FBXL5: variants seen among roughly 807,000 people sequenced by gnomAD.
FBXL5 encodes the protein F-box and leucine rich repeat protein 5, also known as F-box/LRR-repeat protein 5.
FBXL5 carries 26 observed loss-of-function variants against 78.3 expected under a neutral mutation model. The observed-to-expected ratio is 0.33, with a 90% confidence interval of 0.24 to 0.46. The LOEUF (loss-of-function observed/expected upper bound fraction) is 0.46. Among genes scored for constraint, FBXL5 ranks in the 20% least tolerant of loss-of-function variants. The pLI, the probability that FBXL5 is intolerant of heterozygous loss-of-function variation, is 1.00. For missense variants in FBXL5, 710 were observed against 829.2 expected, an observed-to-expected ratio of 0.86 and a Z score of 1.77; for synonymous variants, 295 against 282.5, an observed-to-expected ratio of 1.04 and a Z score of -0.45.
chr4:15,641,420 T>A, intron 2 of FBXL5: 1 of 351,864 alleles, frequency 2.8e-6, no homozygotes, highest in East Asian at 7.7e-5. Context: ...GTGAAGACAA[T>A]GAGGATAAAG....
intron 10 of FBXL5, among the ~76,000 whole-genome samples, chr4:15,611,304 G>A (rs966980141): frequency 2.0e-5 from 3 of 150,650 alleles, no homozygotes; most frequent in Admixed American, 1.3e-4. Context: ...CCATTTTGCG[G>A]TATGTCATTA....
At chr4:15,676,362 G>A (rs1332654079) in intron 1 of FBXL5, among the ~76,000 whole-genome samples, 1 of 152,150 alleles carries the variant, frequency 6.6e-6, no homozygotes, top group Non-Finnish European at 1.5e-5. Context: ...AAGATTGTAT[G>A]AGGATGGAAA....
At chr4:15,636,723 T>A in intron 4 of FBXL5, 47 bp from the exon 5 acceptor site, 1 of 1,335,448 alleles carries the variant, frequency 7.5e-7, no homozygotes, top group Non-Finnish European at 1.0e-6. Context: ...AAAGAGCATA[T>A]GCAATAAGAA....
In FBXL5 at chr4:15,626,857, G is replaced by C; in HGVS notation, c.1124+16C>G. The C allele has an allele frequency of 7.7e-6, 12 of 1,548,520 alleles. No homozygotes were observed. Among genetic ancestry groups the C allele is most frequent in the Non-Finnish European group, 1.1e-5 (12 of 1,141,926 alleles). On this transcript the variant is annotated intron_variant, in intron 8 of 10. Transcript: ENST00000341285. The stretch of plus-strand genomic sequence containing the variant: ...AATAGTTTTTCATTATATTTAAATT[G>C]TTTAAAATAACTAACCTGTCAAATG...
intron 8 of FBXL5, among the ~76,000 whole-genome samples, chr4:15,626,513 T>C (rs933700336): frequency 6.6e-6 from 1 of 152,240 alleles, no homozygotes; most frequent in East Asian, 1.9e-4. Flanking sequence ...AGTTACACTA[T>C]ACTATTTCAG....
intron 4 of FBXL5, among the ~76,000 whole-genome samples, chr4:15,638,149 A>G (rs1714478258): frequency 6.6e-6 from 1 of 152,218 alleles, no homozygotes; most frequent in Non-Finnish European, 1.5e-5. Flanking sequence ...AAGCAGGATG[A>G]TATCGCAAAA....
Position 15,625,371 on chromosome 4 carries a change from T to G in FBXL5, c.1731A>C (p.Arg577Ser), listed in dbSNP as rs1171499512. Residue 577 changes from arginine (R) to serine (S), a missense_variant, in exon 9 of 11, where the codon AGA becomes AGC. Coordinates refer to ENST00000341285, the MANE Select transcript of FBXL5 (RefSeq NM_012161.4). ...SAMCRKAART[R>S]LPRGKDLIYF... Reference sequence around the variant, plus strand: ...AAATTAAGTCTTTTCCCCTAGGCAATCTAGTCCTTGCTGCTTTTCTACACA... The same window carrying G: ...AAATTAAGTCTTTTCCCCTAGGCAAGCTAGTCCTTGCTGCTTTTCTACACA... 2 of 1,614,074 alleles carry G rather than the reference T, an allele frequency of 1.2e-6. No homozygotes were observed. Among genetic ancestry groups the G allele is most frequent in the African/African-American group, 2.7e-5 (2 of 74,950 alleles).
intron 1 of FBXL5, among the ~76,000 whole-genome samples, chr4:15,680,132 G>T (rs1718163837): frequency 6.6e-6 from 1 of 151,652 alleles, no homozygotes; most frequent in South Asian, 2.1e-4. Context: ...AAAAAAACAT[G>T]AACAATGCAG....
At chr4:15,646,028 A>G (rs373093710) in intron 1 of FBXL5, among the ~76,000 whole-genome samples, 7 of 152,202 alleles carry the variant, frequency 4.6e-5, no homozygotes, top group African/African-American at 1.7e-4. Context: ...ACTGCAATAC[A>G]TAAGTAAATA....
chr4:15,630,474 G>A (rs1237119657), intron 6 of FBXL5, among the ~76,000 whole-genome samples, 192 bp downstream of exon 6: 1 of 151,982 alleles, frequency 6.6e-6, no homozygotes, highest in Admixed American at 6.6e-5. Context: ...ATAATCCTAT[G>A]CACTCTTTAA....
At chr4:15,650,470 A>C (rs1209216082) in intron 1 of FBXL5, among the ~76,000 whole-genome samples, 2 of 152,080 alleles carry the variant, frequency 1.3e-5, no homozygotes, top group Non-Finnish European at 2.9e-5. Context: ...CCTACTACTA[A>C]TAGGTCACAG....
In FBXL5 at chr4:15,638,661, A is replaced by G. The variant is rs1178893663; in HGVS notation, c.430T>C (p.Tyr144His). Residue 144 changes from tyrosine (Y) to histidine (H), a missense_variant, in exon 4 of 11, where the codon TAT becomes CAT. Physicochemically the swap from Tyr to His is moderately conservative, Grantham distance 83 (BLOSUM62 2). Transcript: ENST00000341285. ...FQPMLMEYFTYEELKDIKKKV... is the reference protein window; with the variant it reads ...FQPMLMEYFTHEELKDIKKKV... ...TTTTTAATATCCTTAAGCTCTTCATAGGTAAAATATTCCATTAACATGGGC... is the reference window on the plus strand; with the variant it reads ...TTTTTAATATCCTTAAGCTCTTCATGGGTAAAATATTCCATTAACATGGGC... 4 of 1,602,868 alleles carry G rather than the reference A, an allele frequency of 2.5e-6. No individual in the cohort carries two copies. Among genetic ancestry groups the G allele is most frequent in the Non-Finnish European group, 3.4e-6 (4 of 1,176,970 alleles).
At chr4:15,640,671 T>G in intron 3 of FBXL5, 117 bp downstream of exon 3, 1 of 485,498 alleles carries the variant, frequency 2.1e-6, no homozygotes, top group Non-Finnish European at 3.7e-6. Flanking sequence ...AAGAACTGCG[T>G]TCTTCTCTCC....
At chr4:15,617,936 G>A (rs1712080664) in intron 9 of FBXL5, among the ~76,000 whole-genome samples, 1 of 151,914 alleles carries the variant, frequency 6.6e-6, no homozygotes, top group African/African-American at 2.4e-5. Context: ...TAACAAACCT[G>A]CACATCTCAC....
At position 15,605,686 on chromosome 4, in the gene FBXL5, C is replaced by T. The variant is rs1721836993; in HGVS notation, c.*37G>A. The T allele has an allele frequency of 1.3e-6, 2 of 1,583,156 alleles. No individual in the cohort carries two copies. Among genetic ancestry groups the T allele is most frequent in the Non-Finnish European group, 1.7e-6 (2 of 1,153,354 alleles). On this transcript the variant is annotated 3_prime_UTR_variant, in exon 11 of 11. Transcript: ENST00000341285. ...TAAAGTGCATGAAAGAAAGCCTGCTCAGCTAAATGAAGTAGACAAAGATCA... is the reference window on the plus strand; with the variant it reads ...TAAAGTGCATGAAAGAAAGCCTGCTTAGCTAAATGAAGTAGACAAAGATCA...
chr4:15,650,056 T>C (rs1715801889), intron 1 of FBXL5, among the ~76,000 whole-genome samples: 1 of 152,148 alleles, frequency 6.6e-6, no homozygotes, highest in Non-Finnish European at 1.5e-5. Flanking sequence ...GGCAGTAATT[T>C]TGCCACCCCA....
chr4:15,622,416 T>A (rs546450930), intron 9 of FBXL5, among the ~76,000 whole-genome samples: 64 of 152,370 alleles, frequency 4.2e-4, no homozygotes, highest in African/African-American at 1.4e-3. Context: ...TTTTATTTTC[T>A]ATTTCCTCAG....
In FBXL5 at chr4:15,640,768, G is replaced by C; in HGVS notation, c.396+20C>G. The C allele has an allele frequency of 7.4e-7, 1 of 1,351,382 alleles. No individual in the cohort carries two copies. The highest frequency in any genetic ancestry group is 1.7e-5 in the African/African-American group (1 of 58,522). The allele number at this position is 1,351,382 out of a possible 1,614,324, so 83.7% of individuals were successfully genotyped here. On this transcript the variant is annotated intron_variant, in intron 3 of 10. Transcript: ENST00000341285. ...TAAGAATGTTATAAATCTAAATCAC[G>C]AAAGAAAAATTATGCTTACCTCCTC...
At chr4:15,614,271 A>T (rs1711551757) in intron 9 of FBXL5, among the ~76,000 whole-genome samples, 1 of 152,174 alleles carries the variant, frequency 6.6e-6, no homozygotes, top group African/African-American at 2.4e-5. Context: ...GTCTGTGATG[A>T]GTCCTGTGAT....
Sources: gnomAD v4.1 joint callset for allele counts (sites outside exome capture counted in the v4.1 genomes callset) on GRCh38, gnomAD v4.1.1 for gene constraint, MANE v1.5 for transcripts, NCBI Gene and HGNC (gene_info 2026-07-23, HGNC 2026-07-21) for gene names.